ASTN2: variants seen among roughly 807,000 people sequenced by gnomAD.
ASTN2 encodes astrotactin-2.
Under a neutral mutation model 139.8 loss-of-function variants are expected in ASTN2, and 54 were observed. The observed-to-expected ratio is 0.39, with a 90% confidence interval of 0.31 to 0.48. ASTN2 has a LOEUF of 0.48. ASTN2 is among the 20% of genes least tolerant of loss of function. ASTN2 has a pLI of 0.95. For missense variants in ASTN2, 1,565 were observed against 1,725.1 expected, an observed-to-expected ratio of 0.91 and a Z score of 1.64; for synonymous variants, 756 against 719.5, an observed-to-expected ratio of 1.05 and a Z score of -0.81.
chr9:116,797,283 G>C (rs1006004905), intron 13 of ASTN2, among the ~76,000 whole-genome samples: 10 of 152,086 alleles, frequency 6.6e-5, no homozygotes, highest in African/African-American at 2.4e-4. Flanking sequence ...TAATAAAGTG[G>C]TTTGAAAAAA....
chr9:116,530,040 G>A (rs1378066869), intron 19 of ASTN2, among the ~76,000 whole-genome samples: 1 of 138,368 alleles, frequency 7.2e-6, no homozygotes, highest in Non-Finnish European at 1.5e-5. Flanking sequence ...AGTAACAATA[G>A]CCAAGATATG....
At chr9:117,108,625 G>T (rs1829169073) in intron 4 of ASTN2, among the ~76,000 whole-genome samples, 1 of 152,144 alleles carries the variant, frequency 6.6e-6, no homozygotes, top group Non-Finnish European at 1.5e-5. Context: ...TAATATACTT[G>T]TGAGAACCAG....
intron 13 of ASTN2, among the ~76,000 whole-genome samples, chr9:116,740,431 T>G (rs1304335235): frequency 3.3e-5 from 5 of 152,224 alleles, no homozygotes; most frequent in Non-Finnish European, 5.9e-5. Context: ...TTTATGATCC[T>G]TAGTGACTTC....
At chr9:117,246,119 C>T (rs1833375301) in intron 2 of ASTN2, among the ~76,000 whole-genome samples, 1 of 149,820 alleles carries the variant, frequency 6.7e-6, no homozygotes, top group Non-Finnish European at 1.5e-5. Flanking sequence ...AACTAAGAGG[C>T]AAAAGGAATC....
chr9:116,481,873 G>A (rs549057122), intron 20 of ASTN2, among the ~76,000 whole-genome samples: 1 of 152,272 alleles, frequency 6.6e-6, no homozygotes, highest in South Asian at 2.1e-4. Flanking sequence ...CAGGTGCTTT[G>A]AACAGCACAT....
At chr9:117,003,740 C>A (rs1199514628) in intron 7 of ASTN2, among the ~76,000 whole-genome samples, 1 of 151,722 alleles carries the variant, frequency 6.6e-6, no homozygotes, top group Non-Finnish European at 1.5e-5. Context: ...GACCCACAGG[C>A]ACTCACCACT....
chr9:116,644,021 C>A (rs1046166087), intron 17 of ASTN2, among the ~76,000 whole-genome samples: 1 of 152,042 alleles, frequency 6.6e-6, no homozygotes, highest in African/African-American at 2.4e-5. Context: ...AGTAGGCAAC[C>A]AATGCAAGAT....
At chr9:117,099,074 T>C (rs1214887022) in intron 4 of ASTN2, among the ~76,000 whole-genome samples, 1 of 135,856 alleles carries the variant, frequency 7.4e-6, no homozygotes, top group East Asian at 2.2e-4. Flanking sequence ...GCCACTACAC[T>C]CCAGCCTGGG....
chr9:117,321,612 A>C (rs1828326704), intron 1 of ASTN2, among the ~76,000 whole-genome samples: 1 of 152,202 alleles, frequency 6.6e-6, no homozygotes, highest in South Asian at 2.1e-4. Context: ...AGGGGTCACC[A>C]TGGTGACAAA....
chr9:116,618,558 T>A, intron 18 of ASTN2, 86 bp from the exon 19 acceptor site: 1 of 1,437,076 alleles, frequency 7.0e-7, no homozygotes. Context: ...AGATGAAGCA[T>A]AGGTTTCAGT....
chr9:116,827,164 C>T (rs1490790604), intron 11 of ASTN2, among the ~76,000 whole-genome samples: 1 of 151,670 alleles, frequency 6.6e-6, no homozygotes, highest in Non-Finnish European at 1.5e-5. Context: ...ACAAAATTAG[C>T]CGGGTGCGGT....
intron 22 of ASTN2, among the ~76,000 whole-genome samples, chr9:116,439,192 A>AC: frequency 2.7e-5 from 3 of 112,322 alleles, no homozygotes; most frequent in African/African-American, 1.0e-4. Flanking sequence ...CTATTCAAAT[A>AC]CATTTTTTTT....
In ASTN2 at chr9:117,082,949, A is replaced by G. The variant is rs548206567; in HGVS notation, c.1276+13095T>C. Among the ~76,000 whole-genome samples, 436 of 152,244 alleles carry G rather than the reference A, an allele frequency of 2.9e-3. 2 individuals carry two copies. Among genetic ancestry groups the G allele is most frequent in the African/African-American group, 0.01 (420 of 41,558 alleles). ...CCATATTTCAGGTATAAGCTATAAT[A>G]TTGGCTTCTTAAAGGTATAGTTCAT... On this transcript the variant is annotated intron_variant, in intron 5 of 22. Coordinates refer to ENST00000313400, the MANE Select transcript of ASTN2 (RefSeq NM_001365068.1).
At chr9:117,135,635 C>A (rs1479689494) in intron 4 of ASTN2, among the ~76,000 whole-genome samples, 3 of 152,148 alleles carry the variant, frequency 2.0e-5, no homozygotes, top group Non-Finnish European at 4.4e-5. Flanking sequence ...GATGTATTTA[C>A]GACAGACTGC....
intron 14 of ASTN2, among the ~76,000 whole-genome samples, chr9:116,730,763 T>G (rs1260444680): frequency 6.6e-6 from 1 of 152,196 alleles, no homozygotes; most frequent in East Asian, 1.9e-4. Flanking sequence ...CTCTTTCACT[T>G]GGTGGCATGA....
At chr9:116,689,102 G>A (rs888329895) in intron 16 of ASTN2, among the ~76,000 whole-genome samples, 2 of 152,040 alleles carry the variant, frequency 1.3e-5, no homozygotes, top group Non-Finnish European at 2.9e-5. Context: ...TGTGGGATAC[G>A]CCCTTCCCCC....
chr9:117,239,287 G>T (rs1833138136), intron 2 of ASTN2, among the ~76,000 whole-genome samples: 2 of 152,156 alleles, frequency 1.3e-5, no homozygotes, highest in African/African-American at 2.4e-5. Flanking sequence ...CTGAAGCACA[G>T]AAATGAATAA....
At chr9:116,505,698 A>G (rs1267433989) in intron 19 of ASTN2, among the ~76,000 whole-genome samples, 1 of 152,186 alleles carries the variant, frequency 6.6e-6, no homozygotes, top group African/African-American at 2.4e-5. Flanking sequence ...TTTACAGTGT[A>G]CCTGGTATTT....
At chr9:116,679,261 C>T (rs1859689082) in intron 16 of ASTN2, among the ~76,000 whole-genome samples, 1 of 152,046 alleles carries the variant, frequency 6.6e-6, no homozygotes, top group African/African-American at 2.4e-5. Context: ...GACAAACTTT[C>T]CAAAATCAAA....
Sources: allele counts gnomAD v4.1 joint callset (sites outside exome capture counted in the v4.1 genomes callset), GRCh38; gene constraint gnomAD v4.1.1; transcripts MANE v1.5; gene names NCBI Gene and HGNC (gene_info 2026-07-23, HGNC 2026-07-21).